The following TMEM108 variants were observed in gnomAD, a reference collection of about 807,000 sequenced individuals.
TMEM108 encodes cancer/testis antigen 124.
TMEM108 carries 12 observed loss-of-function variants against 35.1 expected under a neutral mutation model. The observed-to-expected ratio is 0.34, with a 90% CI of 0.22 to 0.55. TMEM108 has a LOEUF of 0.55. TMEM108 is among the 20% of genes least tolerant of loss of function. The pLI, the probability that TMEM108 is intolerant of heterozygous loss-of-function variation, is 0.89. For missense variants in TMEM108, 680 were observed against 753.3 expected (o/e 0.90, Z 1.14); for synonymous variants, 287 against 308.6 (o/e 0.93, Z 0.73).
intron 2 of TMEM108, among the ~76,000 whole-genome samples, chr3:133,060,777 AT>A (rs1486142680): frequency 1.3e-5 from 2 of 152,184 alleles, no homozygotes; most frequent in African/African-American, 2.4e-5. Flanking sequence ...AGCTTCTAGT[AT>A]TTGTCTAACT....
chr3:133,104,370 A>T (rs1431130175), intron 2 of TMEM108, among the ~76,000 whole-genome samples: 2 of 152,196 alleles, frequency 1.3e-5, no homozygotes, highest in African/African-American at 4.8e-5. Flanking sequence ...CTGTAGCTGA[A>T]TGTTTCTCAC....
chr3:133,329,864 G>T (rs1216877889), intron 3 of TMEM108, among the ~76,000 whole-genome samples: 1 of 152,076 alleles, frequency 6.6e-6, no homozygotes, highest in East Asian at 1.9e-4. Flanking sequence ...CTAAGAGAAG[G>T]GTTATAGGAT....
chr3:133,084,503 G>A (rs1449910812), intron 2 of TMEM108, among the ~76,000 whole-genome samples: 4 of 152,172 alleles, frequency 2.6e-5, no homozygotes, highest in African/African-American at 9.7e-5. Flanking sequence ...GGAGAAAAGG[G>A]GAGGCAAAGA....
At chr3:133,040,266 C>T (rs1246636799) in intron 1 of TMEM108, among the ~76,000 whole-genome samples, 18 of 145,246 alleles carry the variant, frequency 1.2e-4, no homozygotes, top group East Asian at 8.2e-4. Flanking sequence ...TGCAGTGGTG[C>T]GATCTCGGCT....
intron 3 of TMEM108, among the ~76,000 whole-genome samples, chr3:133,371,142 G>C (rs1165269146): frequency 1.3e-5 from 2 of 152,234 alleles, no homozygotes; most frequent in East Asian, 3.8e-4. Context: ...TCTCAATCCA[G>C]AGTGGTCACT....
At chr3:133,246,453 G>T (rs1457096191) in intron 3 of TMEM108, 3 of 149,984 alleles carry the variant, frequency 2.0e-5, no homozygotes, top group Non-Finnish European at 4.4e-5. Context: ...CTTGAAAGTT[G>T]AATTGTTTTA....
intron 3 of TMEM108, among the ~76,000 whole-genome samples, chr3:133,251,569 A>T (rs1223643175): frequency 6.6e-6 from 1 of 152,170 alleles, no homozygotes; most frequent in African/African-American, 2.4e-5. Context: ...GTAATCAGGG[A>T]CTCAAGCTTC....
intron 2 of TMEM108, among the ~76,000 whole-genome samples, chr3:133,120,427 T>C (rs1383026702): frequency 6.6e-6 from 1 of 152,186 alleles, no homozygotes; most frequent in African/African-American, 2.4e-5. Flanking sequence ...CCCCTTAACC[T>C]TTAAAAGTGA....
intron 2 of TMEM108, among the ~76,000 whole-genome samples, chr3:133,217,929 C>T (rs1559871770): frequency 6.6e-6 from 1 of 151,872 alleles, no homozygotes; most frequent in Non-Finnish European, 1.5e-5. Flanking sequence ...TTACCAATTT[C>T]AGGATTGTTT....
At position 133,058,482 on chromosome 3, in the gene TMEM108, C is replaced by G. The variant is rs1210560537; in HGVS notation, c.-47+12462C>G. ...AGTCAGGTGTGCTTTCTCTGTCCAC[C>G]TTTTCTGTCTAGGGTTCCCTTCCTG... On this transcript the variant is annotated intron_variant, in intron 2 of 5. Transcript: ENST00000321871. Among the ~76,000 whole-genome samples the G allele has an allele frequency of 5.3e-5, 8 of 152,216 alleles. No individual in the cohort carries two copies. The East Asian group carries it at 1.5e-3, about 29-fold the overall frequency.
chr3:133,295,082 A>C (rs181611306), intron 3 of TMEM108, among the ~76,000 whole-genome samples: 1 of 152,344 alleles, frequency 6.6e-6, no homozygotes, highest in Non-Finnish European at 1.5e-5. Context: ...TAAAATGATG[A>C]ATTTAAATAA....
chr3:133,110,332 T>C (rs1018128585), intron 2 of TMEM108, among the ~76,000 whole-genome samples: 14 of 152,242 alleles, frequency 9.2e-5, no homozygotes, highest in African/African-American at 3.4e-4. Flanking sequence ...CAGACAGAAA[T>C]AAAAAGTTGG....
intron 3 of TMEM108, among the ~76,000 whole-genome samples, chr3:133,325,775 A>G (rs1439314932): frequency 6.6e-6 from 1 of 150,810 alleles, no homozygotes; most frequent in Non-Finnish European, 1.5e-5. Flanking sequence ...AAGTGTGTAT[A>G]TGTGTGTATA....
At chr3:133,200,133 A>G (rs1945640682) in intron 2 of TMEM108, among the ~76,000 whole-genome samples, 1 of 152,170 alleles carries the variant, frequency 6.6e-6, no homozygotes, top group African/African-American at 2.4e-5. Flanking sequence ...GTATTAGGGT[A>G]GGAGTGACCC....
chr3:133,207,610 T>G (rs913381156), intron 2 of TMEM108, among the ~76,000 whole-genome samples: 9 of 151,858 alleles, frequency 5.9e-5, no homozygotes, highest in African/African-American at 2.2e-4. Context: ...CTGACTGCCT[T>G]TGTTTAGAAT....
intron 2 of TMEM108, among the ~76,000 whole-genome samples, chr3:133,072,876 C>G (rs1943693012): frequency 6.6e-6 from 1 of 152,068 alleles, no homozygotes; most frequent in South Asian, 2.1e-4. Context: ...TTTGCTTATT[C>G]TGGACAATTC....
intron 4 of TMEM108, among the ~76,000 whole-genome samples, chr3:133,382,284 G>A (rs1003777187): frequency 6.6e-6 from 1 of 152,178 alleles, no homozygotes; most frequent in African/African-American, 2.4e-5. Flanking sequence ...GGGGCCTAAA[G>A]TTTGCCTTCT....
chr3:133,143,324 G>T (rs188672961), intron 2 of TMEM108, among the ~76,000 whole-genome samples: 1 of 151,750 alleles, frequency 6.6e-6, no homozygotes, highest in South Asian at 2.1e-4. Context: ...GGAATGCTTA[G>T]ATCTGACTTA....
chr3:133,363,562 C>T (rs1056479833), intron 3 of TMEM108, among the ~76,000 whole-genome samples: 2 of 152,066 alleles, frequency 1.3e-5, no homozygotes, highest in Non-Finnish European at 2.9e-5. Flanking sequence ...CGCACCACCA[C>T]ACCCAGCTAA....
Sources: allele counts gnomAD v4.1 joint callset (sites outside exome capture counted in the v4.1 genomes callset), GRCh38; gene constraint gnomAD v4.1.1; transcripts MANE v1.5; gene names NCBI Gene and HGNC (gene_info 2026-07-23, HGNC 2026-07-21).